The following NAALAD2 variants were observed in gnomAD, a reference collection of about 807,000 sequenced individuals.
NAALAD2 encodes the protein N-acetylated-alpha-linked acidic dipeptidase 2.
Under a neutral mutation model 95.6 loss-of-function variants are expected in NAALAD2, and 89 were observed. The observed-to-expected ratio is 0.93, with a 90% CI of 0.78 to 1.11. The LOEUF (loss-of-function observed/expected upper bound fraction) is 1.11. Among genes scored for constraint, NAALAD2 ranks in the 50% least tolerant of loss-of-function variants. The pLI, the probability that NAALAD2 is intolerant of heterozygous loss-of-function variation, is 0.00. For missense variants in NAALAD2, 894 were observed against 872.4 expected (o/e 1.02, Z -0.31); for synonymous variants, 264 against 294.4 (o/e 0.90, Z 1.06).
intron 6 of NAALAD2, among the ~76,000 whole-genome samples, chr11:90,157,853 T>G (rs894811776): frequency 6.6e-6 from 1 of 152,078 alleles, no homozygotes; most frequent in Non-Finnish European, 1.5e-5. Context: ...CCCAAGTAGC[T>G]GGGCCTACAG....
Position 90,175,952 on chromosome 11 carries a change from G to GTGTGTGTGTT in NAALAD2, c.1503-20_1503-19insTGTGTGTGTT. 1 of 1,436,796 alleles carries GTGTGTGTGTT rather than the reference G, an allele frequency of 7.0e-7. No individual in the cohort carries two copies. Among genetic ancestry groups the GTGTGTGTGTT allele is most frequent in the Non-Finnish European group, 9.8e-7 (1 of 1,019,622 alleles). 89.0% of individuals were successfully genotyped at this position (1,436,796 alleles called of 1,614,324 possible). A position where few individuals can be genotyped will look rare whatever the true frequency, so the allele number is the denominator to read the frequency against. On this transcript the variant is annotated intron_variant, in intron 14 of 18. Transcript: ENST00000534061. ...TATGTGTGTGTGTGTGTGTGTGTGT[G>GTGTGTGTGTT]GATTGCATTCTACATCTAGAATCAA...
Position 90,158,726 on chromosome 11 carries a change from A to G in NAALAD2, c.890+488A>G, listed in dbSNP as rs554031795. The G allele has an allele frequency of 4.1e-5, 7 of 172,166 alleles. No individual in the cohort carries two copies. The East Asian group carries it at 1.1e-3, about 26-fold the overall frequency. 10.7% of individuals were successfully genotyped at this position (172,166 alleles called of 1,614,324 possible). On this transcript the variant is annotated intron_variant, in intron 7 of 18. Coordinates refer to ENST00000534061, the MANE Select transcript of NAALAD2 (RefSeq NM_005467.4). Reference sequence around the variant, plus strand: ...ATATGAGTAAAATACATAGCACCGTATTTAGAATATAGTAAACAAACAATT... The same window carrying G: ...ATATGAGTAAAATACATAGCACCGTGTTTAGAATATAGTAAACAAACAATT...
Position 90,171,285 on chromosome 11 carries a change from A to G in NAALAD2, c.1410+1149A>G, listed in dbSNP as rs139965849. Among the ~76,000 whole-genome samples the G allele has an allele frequency of 1.8e-3, 277 of 152,278 alleles. 1 individual carries two copies. Among genetic ancestry groups the G allele is most frequent in the African/African-American group, 6.2e-3 (257 of 41,548 alleles). Reference sequence around the variant, plus strand: ...TAGATATCACTTCTCTCTGGGTACTATTAATATTTCCTCCCTTAATCTTAC... The same window carrying G: ...TAGATATCACTTCTCTCTGGGTACTGTTAATATTTCCTCCCTTAATCTTAC... On this transcript the variant is annotated intron_variant, in intron 13 of 18. Coordinates refer to ENST00000534061, the MANE Select transcript of NAALAD2 (RefSeq NM_005467.4).
intron 7 of NAALAD2, 152 bp downstream of exon 7, chr11:90,158,390 A>T: frequency 3.6e-6 from 2 of 560,858 alleles, no homozygotes; most frequent in South Asian, 4.9e-5. Context: ...CTATCTTTTT[A>T]TTTCATAAAA....
intron 2 of NAALAD2, among the ~76,000 whole-genome samples, chr11:90,136,106 A>G (rs988884081): frequency 2.6e-5 from 4 of 152,178 alleles, no homozygotes; most frequent in Non-Finnish European, 5.9e-5. Flanking sequence ...TCTTGCAGGT[A>G]TAAATTTGTT....
At chr11:90,168,008 T>A (rs1952525259) in intron 11 of NAALAD2, among the ~76,000 whole-genome samples, 1 of 152,200 alleles carries the variant, frequency 6.6e-6, no homozygotes, top group Non-Finnish European at 1.5e-5. Flanking sequence ...TTTGTTCTTT[T>A]GCTCTTTGCA....
chr11:90,180,506 T>A (rs1952929968), intron 16 of NAALAD2, among the ~76,000 whole-genome samples: 1 of 151,904 alleles, frequency 6.6e-6, no homozygotes, highest in African/African-American at 2.4e-5. Context: ...GAGCTCAGGA[T>A]TTCTATTAGG....
At chr11:90,170,864 C>A (rs1033494796) in intron 13 of NAALAD2, among the ~76,000 whole-genome samples, 1 of 152,164 alleles carries the variant, frequency 6.6e-6, no homozygotes, top group African/African-American at 2.4e-5. Context: ...GGTAGCTCAG[C>A]ATGGCCAAGC....
At chr11:90,142,974 T>C (rs1951658947) in intron 2 of NAALAD2, among the ~76,000 whole-genome samples, 1 of 152,060 alleles carries the variant, frequency 6.6e-6, no homozygotes, top group East Asian at 1.9e-4. Context: ...ATGGAGAAAC[T>C]CACATTTCTT....
At chr11:90,157,536 T>G (rs777728954) in intron 6 of NAALAD2, among the ~76,000 whole-genome samples, 1 of 152,204 alleles carries the variant, frequency 6.6e-6, no homozygotes, top group Non-Finnish European at 1.5e-5. Flanking sequence ...ATCTGGTTAA[T>G]AACATTTCTC....
chr11:90,159,123 T>A (rs3740810), intron 7 of NAALAD2, 116 bp from the exon 8 acceptor site: 11 of 806,168 alleles, frequency 1.4e-5, no homozygotes, highest in African/African-American at 1.0e-4. Context: ...TACCTGGCAC[T>A]TAGTAAATGA....
At chr11:90,183,159 T>C (rs1401148705) in intron 18 of NAALAD2, 151 bp downstream of exon 18, 1 of 450,284 alleles carries the variant, frequency 2.2e-6, no homozygotes, top group Non-Finnish European at 4.0e-6. Flanking sequence ...ATAGGTATAA[T>C]ACATATTAGA....
At chr11:90,180,424 G>C (rs1257616565) in intron 16 of NAALAD2, among the ~76,000 whole-genome samples, 2 of 151,996 alleles carry the variant, frequency 1.3e-5, no homozygotes, top group African/African-American at 4.8e-5. Flanking sequence ...ACTAAAATCT[G>C]GGACTAAGAA....
chr11:90,161,126 G>C (rs10830428), intron 8 of NAALAD2, among the ~76,000 whole-genome samples: 20,643 of 152,140 alleles, frequency 0.14, 2,098 homozygotes, highest in Admixed American at 0.31. Context: ...ATTTACATAT[G>C]AGAGCCAAAA....
chr11:90,133,449 A>G (rs1951384316), upstream of NAALAD2, among the ~76,000 whole-genome samples: 1 of 151,898 alleles, frequency 6.6e-6, no homozygotes, highest in African/African-American at 2.4e-5. Context: ...CTTCCCCTTC[A>G]CCCTCTGAAG....
chr11:90,186,217 C>G (rs1206016145), intron 18 of NAALAD2, among the ~76,000 whole-genome samples: 1 of 151,160 alleles, frequency 6.6e-6, no homozygotes, highest in Admixed American at 6.6e-5. Context: ...GTGATATTCC[C>G]CTTCCTGTGT....
intron 2 of NAALAD2, among the ~76,000 whole-genome samples, chr11:90,137,715 C>T (rs1329172100): frequency 4.6e-5 from 7 of 152,106 alleles, no homozygotes; most frequent in African/African-American, 1.7e-4. Flanking sequence ...GGGATTCTCC[C>T]ACCTCAGCCT....
upstream of NAALAD2, chr11:90,131,997 T>C (rs1490011849): frequency 6.6e-6 from 1 of 152,280 alleles, no homozygotes; most frequent in Non-Finnish European, 1.5e-5. Flanking sequence ...CTTTGCAAAG[T>C]ACAAGTATTT....
At chr11:90,175,180 C>T (rs1356383100) in intron 14 of NAALAD2, among the ~76,000 whole-genome samples, 1 of 152,088 alleles carries the variant, frequency 6.6e-6, no homozygotes, top group Non-Finnish European at 1.5e-5. Context: ...AGCTTTATTC[C>T]TCATTTCAAA....
Sources: gnomAD v4.1 joint callset for allele counts (sites outside exome capture counted in the v4.1 genomes callset) on GRCh38, gnomAD v4.1.1 for gene constraint, MANE v1.5 for transcripts, NCBI Gene and HGNC (gene_info 2026-07-23, HGNC 2026-07-21) for gene names.